The following FBXO11 variants were observed in gnomAD, a reference collection of about 807,000 sequenced individuals.
FBXO11 encodes the protein F-box only protein 11.
Under a neutral mutation model 117.0 loss-of-function variants are expected in FBXO11, and 13 were observed. The observed-to-expected ratio is 0.11, with a 90% CI of 0.07 to 0.18. The LOEUF (loss-of-function observed/expected upper bound fraction) is 0.18. Ranked by LOEUF, FBXO11 falls within the 10% of genes least tolerant of loss-of-function variation. The probability of loss-of-function intolerance (pLI) is 1.00; values close to 1 mark genes in which losing one functional copy is unlikely to be tolerated. For missense variants in FBXO11, 767 were observed against 1,164.4 expected, an observed-to-expected ratio of 0.66 and a Z score of 4.97; for synonymous variants, 490 against 380.5, an observed-to-expected ratio of 1.29 and a Z score of -3.35.
chr2:47,887,225 C>T (rs1469137313), intron 1 of FBXO11, among the ~76,000 whole-genome samples: 3 of 140,244 alleles, frequency 2.1e-5, no homozygotes, highest in Non-Finnish European at 3.0e-5. Context: ...GTGGAGGTTG[C>T]GGTGAGCTGA....
At chr2:47,862,760 C>T (rs984599003) in intron 1 of FBXO11, among the ~76,000 whole-genome samples, 1 of 152,114 alleles carries the variant, frequency 6.6e-6, no homozygotes, top group Non-Finnish European at 1.5e-5. Context: ...ACAGCAGCTT[C>T]AAAAACGTTT....
At chr2:47,865,260 G>C (rs756651188) in intron 1 of FBXO11, among the ~76,000 whole-genome samples, 14 of 152,210 alleles carry the variant, frequency 9.2e-5, no homozygotes, top group Non-Finnish European at 1.5e-4. Context: ...TGAACATCTT[G>C]AATAAAGCTC....
chr2:47,839,179 T>A (rs1382699505), intron 3 of FBXO11, among the ~76,000 whole-genome samples, 176 bp from the exon 4 acceptor site: 1 of 152,076 alleles, frequency 6.6e-6, no homozygotes, highest in African/African-American at 2.4e-5. Flanking sequence ...CTAACAAAAG[T>A]ACTCCTTCTT....
At chr2:47,846,388 A>C (rs943249516) in intron 1 of FBXO11, among the ~76,000 whole-genome samples, 3 of 152,160 alleles carry the variant, frequency 2.0e-5, no homozygotes, top group African/African-American at 7.2e-5. Flanking sequence ...AATTGCTTGA[A>C]CCTGGAAGAA....
At chr2:47,810,763 T>C (rs1402074833) in intron 18 of FBXO11, 1 of 179,080 alleles carries the variant, frequency 5.6e-6, no homozygotes, top group African/African-American at 2.3e-5. Flanking sequence ...CTTTGAAATA[T>C]TTCTAGAACC....
chr2:47,813,617 G>A (rs555736438), intron 17 of FBXO11, among the ~76,000 whole-genome samples, 174 bp downstream of exon 17: 3 of 151,862 alleles, frequency 2.0e-5, no homozygotes, highest in South Asian at 4.2e-4. Context: ...ATATTTAGTA[G>A]AGACAGGGTT....
At chr2:47,871,285 A>G (rs183562106) in intron 1 of FBXO11, among the ~76,000 whole-genome samples, 1 of 152,338 alleles carries the variant, frequency 6.6e-6, no homozygotes, top group East Asian at 1.9e-4. Context: ...CAGAAAATTG[A>G]GACCTTCTGC....
intron 1 of FBXO11, among the ~76,000 whole-genome samples, chr2:47,882,746 G>T (rs565235646): frequency 6.6e-6 from 1 of 152,210 alleles, no homozygotes; most frequent in African/African-American, 2.4e-5. Context: ...CTGCCTGCTT[G>T]GCTCAAGCCA....
At chr2:47,834,325 G>C (rs1304661984) in intron 7 of FBXO11, among the ~76,000 whole-genome samples, 10 of 151,990 alleles carry the variant, frequency 6.6e-5, no homozygotes, top group African/African-American at 1.9e-4. Flanking sequence ...ACTCTAGCCT[G>C]AGTGACATAG....
rs1180797197 is a variant in FBXO11 at position 47,839,499 on chromosome 2, C to T, written c.362G>A (p.Gly121Asp). 1.2e-6 allele frequency: 2 copies of T among 1,613,296 alleles called. No homozygotes were observed. The highest frequency in any genetic ancestry group is 8.5e-7 in the Non-Finnish European group (1 of 1,179,854). The change falls in exon 3 of 23, where the codon GGC becomes GAC. Residue 121 changes from glycine to aspartate, a missense_variant and splice_region_variant. Transcript: ENST00000403359. The part of the protein sequence containing the change: ...TACPTKNSME[G>D]ASTSTTENFG... Reference sequence around the variant, plus strand: ...GTTTTCTGTAGTTGAAGTTGAGGCGCCCTTCAAAAACAAAACAGAAACTAG... The same window carrying T: ...GTTTTCTGTAGTTGAAGTTGAGGCGTCCTTCAAAAACAAAACAGAAACTAG...
chr2:47,889,649 C>A (rs922320766), intron 1 of FBXO11, among the ~76,000 whole-genome samples: 7 of 150,008 alleles, frequency 4.7e-5, no homozygotes, highest in African/African-American at 1.7e-4. Context: ...TTTTTTTTAA[C>A]CAATAATGAT....
At chr2:47,848,570 T>C (rs1365795306) in intron 1 of FBXO11, among the ~76,000 whole-genome samples, 4 of 152,242 alleles carry the variant, frequency 2.6e-5, no homozygotes, top group Non-Finnish European at 4.4e-5. Context: ...TTTAAAAGTA[T>C]GCTATTTGCA....
At chr2:47,813,729 G>C in intron 17 of FBXO11, 62 bp downstream of exon 17, 1 of 1,405,776 alleles carries the variant, frequency 7.1e-7, no homozygotes, top group Non-Finnish European at 1.0e-6. Context: ...CACCGTGCCC[G>C]GCCTAGAAGG....
intron 1 of FBXO11, among the ~76,000 whole-genome samples, chr2:47,900,739 TATATA>T (rs1678136099): frequency 8.4e-6 from 1 of 119,034 alleles, no homozygotes; most frequent in Non-Finnish European, 1.8e-5. Context: ...CACGTGTATA[TATATA>T]CACGTATACA....
chr2:47,882,951 T>C (rs1374096765), intron 1 of FBXO11, among the ~76,000 whole-genome samples: 1 of 152,068 alleles, frequency 6.6e-6, no homozygotes, highest in Non-Finnish European at 1.5e-5. Flanking sequence ...GCCCAGCCAT[T>C]TGCTTTCTTC....
chr2:47,871,790 G>A (rs910577721), intron 1 of FBXO11, among the ~76,000 whole-genome samples: 6 of 152,160 alleles, frequency 3.9e-5, no homozygotes, highest in African/African-American at 1.2e-4. Flanking sequence ...TCAATGCACA[G>A]AACTCTTTAA....
At chr2:47,900,680 GTATA>G (rs1678113055) in intron 1 of FBXO11, among the ~76,000 whole-genome samples, 1 of 41,046 alleles carries the variant, frequency 2.4e-5, no homozygotes, top group African/African-American at 1.7e-4. Flanking sequence ...ATATACACAC[GTATA>G]CACACACGTA....
Position 47,883,752 on chromosome 2 carries a change from C to T in FBXO11, c.232+21737G>A, listed in dbSNP as rs114812404. On this transcript the variant is annotated intron_variant, in intron 1 of 22. Coordinates refer to ENST00000403359, the MANE Select transcript of FBXO11 (RefSeq NM_001190274.2). ...AGAGAAAGAAGGTTAAGTTGGCTGT[C>T]CTTAAATACCATAAGGTGTATGAGA... is the stretch of plus-strand genomic sequence containing the variant. 1.4e-3 allele frequency: 364 copies of T among 267,648 alleles called. 4 individuals are homozygous for T. Among genetic ancestry groups the T allele is most frequent in the African/African-American group, 7.5e-3 (333 of 44,290 alleles). The allele number at this position is 267,648 out of a possible 1,614,324, so 16.6% of individuals were successfully genotyped here.
intron 1 of FBXO11, among the ~76,000 whole-genome samples, chr2:47,875,510 T>A (rs911022889): frequency 1.4e-5 from 2 of 146,198 alleles, no homozygotes; most frequent in Admixed American, 1.4e-4. Context: ...TTTTTTTTTT[T>A]AGCACAGTAT....
Sources: allele counts gnomAD v4.1 joint callset (sites outside exome capture counted in the v4.1 genomes callset), GRCh38; gene constraint gnomAD v4.1.1; transcripts MANE v1.5; gene names NCBI Gene and HGNC (gene_info 2026-07-23, HGNC 2026-07-21).